Variants in ERP44 observed in about 807,000 individuals in gnomAD.
ERP44 encodes the protein endoplasmic reticulum protein 44.
ERP44 carries 25 observed loss-of-function variants against 53.4 expected under a neutral mutation model. That is an observed-to-expected ratio of 0.47 (90% confidence interval 0.34 to 0.65). The LOEUF (loss-of-function observed/expected upper bound fraction) is 0.65, where lower values mean the gene tolerates loss of function less well. ERP44 is among the 30% of genes least tolerant of loss of function. The pLI, the probability that ERP44 is intolerant of heterozygous loss-of-function variation, is 0.01. For synonymous variants in ERP44, 145 were observed against 161.2 expected (o/e 0.90, Z 0.76); for missense variants, 338 against 493.2 (o/e 0.69, Z 2.98).
chr9:99,999,957 C>T (rs1234311223), intron 10 of ERP44, among the ~76,000 whole-genome samples: 3 of 152,160 alleles, frequency 2.0e-5, no homozygotes, highest in Non-Finnish European at 2.9e-5. Context: ...TTTTCTCTCT[C>T]TTTTTGGTGC....
intron 4 of ERP44, among the ~76,000 whole-genome samples, chr9:100,049,390 C>T (rs1038228094): frequency 6.6e-6 from 1 of 151,974 alleles, no homozygotes; most frequent in African/African-American, 2.4e-5. Flanking sequence ...ACAGTGAGAC[C>T]CTGTCGCAAA....
At chr9:100,011,626 C>A (rs1444969551) in intron 8 of ERP44, among the ~76,000 whole-genome samples, 1 of 152,074 alleles carries the variant, frequency 6.6e-6, no homozygotes, top group Non-Finnish European at 1.5e-5. Context: ...GAAAGACACC[C>A]AATCTGAGCA....
chr9:100,032,455 A>C (rs1342028362), intron 4 of ERP44, among the ~76,000 whole-genome samples: 2 of 152,234 alleles, frequency 1.3e-5, no homozygotes, highest in Non-Finnish European at 2.9e-5. Flanking sequence ...AAGTCAAAAA[A>C]TGACATATTT....
intron 1 of ERP44, among the ~76,000 whole-genome samples, chr9:100,072,740 T>G (rs1826319915): frequency 6.6e-6 from 1 of 152,146 alleles, no homozygotes; most frequent in Non-Finnish European, 1.5e-5. Context: ...CAGGCTGGTC[T>G]CAAACTCCTG....
At chr9:99,996,993 G>GTA (rs60268138) in intron 10 of ERP44, among the ~76,000 whole-genome samples, 68,124 of 143,500 alleles carry the variant, frequency 0.47, 16,578 homozygotes, top group East Asian at 0.85. Context: ...ATATGTGTGT[G>GTA]TATATATATA....
intron 4 of ERP44, among the ~76,000 whole-genome samples, chr9:100,035,831 C>A (rs911285518): frequency 1.9e-4 from 29 of 152,190 alleles, no homozygotes; most frequent in Admixed American, 4.6e-4. Context: ...AAATGCAAAT[C>A]AAAACCACAA....
intron 10 of ERP44, among the ~76,000 whole-genome samples, chr9:99,985,659 G>A (rs7857530): frequency 0.68 from 102,907 of 152,066 alleles, 36,053 homozygotes; most frequent in East Asian, 0.91. Flanking sequence ...ACTAGACAGT[G>A]AAACCAATTT....
At chr9:99,993,808 AT>A (rs1182614342) in intron 10 of ERP44, among the ~76,000 whole-genome samples, 2 of 152,192 alleles carry the variant, frequency 1.3e-5, no homozygotes, top group Non-Finnish European at 2.9e-5. Context: ...ACTTAAACAA[AT>A]TTACAAGAAA....
intron 4 of ERP44, among the ~76,000 whole-genome samples, chr9:100,029,716 C>A (rs1429893246): frequency 1.3e-5 from 2 of 152,208 alleles, no homozygotes; most frequent in Non-Finnish European, 2.9e-5. Flanking sequence ...CATATCTGCA[C>A]CACCGTGTTT....
chr9:100,047,829 T>C (rs987952442), intron 4 of ERP44, among the ~76,000 whole-genome samples: 8 of 152,046 alleles, frequency 5.3e-5, no homozygotes, highest in Admixed American at 3.3e-4. Context: ...TTGCAAATCA[T>C]ATATATGAGG....
chr9:100,015,675 G>C (rs1587963187), intron 8 of ERP44, among the ~76,000 whole-genome samples: 2 of 152,300 alleles, frequency 1.3e-5, no homozygotes, highest in Middle Eastern at 6.8e-3. Context: ...GCAAAGCATT[G>C]CTCCTAAAGC....
rs1184949450 is a variant in ERP44, at chr9:100,052,522, T to C, written c.181A>G (p.Ser61Gly). ...TCAAAAATTGGATGCAACATCTGAC[T>C]GAAACGACACCTATACACAGAGAAG... Reference protein sequence around the residue: ...VNFYADWCRFSQMLHPIFEEA... With the variant: ...VNFYADWCRFGQMLHPIFEEA... The change falls in exon 4 of 12, where the codon AGT becomes GGT. Residue 61 changes from serine to glycine, a missense_variant. Coordinates refer to ENST00000262455, the MANE Select transcript of ERP44 (RefSeq NM_015051.3). 6.2e-7 allele frequency: 1 copy of C among 1,601,066 alleles called. No homozygotes were observed. Among genetic ancestry groups the C allele is most frequent in the Non-Finnish European group, 8.6e-7 (1 of 1,169,246 alleles).
At chr9:100,037,781 C>T (rs574107362) in intron 4 of ERP44, among the ~76,000 whole-genome samples, 5 of 152,188 alleles carry the variant, frequency 3.3e-5, no homozygotes, top group East Asian at 1.9e-4. Context: ...AGGACCCACT[C>T]GACAGGATTC....
intron 10 of ERP44, among the ~76,000 whole-genome samples, chr9:99,999,268 C>G (rs1397005384): frequency 6.7e-6 from 1 of 149,912 alleles, no homozygotes; most frequent in Non-Finnish European, 1.5e-5. Context: ...TGAGAACTGT[C>G]TATTCATGTC....
chr9:100,083,833 C>G (rs902302831), intron 1 of ERP44, among the ~76,000 whole-genome samples: 1 of 152,174 alleles, frequency 6.6e-6, no homozygotes, highest in African/African-American at 2.4e-5. Flanking sequence ...ATTAAAATGA[C>G]TGGCTATCAA....
intron 1 of ERP44, among the ~76,000 whole-genome samples, chr9:100,072,586 G>A (rs949114351): frequency 2.6e-5 from 4 of 152,106 alleles, no homozygotes; most frequent in African/African-American, 7.2e-5. Flanking sequence ...GCAATGGAGC[G>A]ATCTTGGCTC....
intron 1 of ERP44, among the ~76,000 whole-genome samples, chr9:100,098,471 C>G (rs908069615): frequency 6.6e-6 from 1 of 152,236 alleles, no homozygotes; most frequent in Admixed American, 6.5e-5. Context: ...CCGATTCAAG[C>G]TACCACCAGG....
At chr9:100,002,295 TACC>T (rs1217875097) in intron 10 of ERP44, among the ~76,000 whole-genome samples, 2 of 152,224 alleles carry the variant, frequency 1.3e-5, no homozygotes, top group East Asian at 1.9e-4. Context: ...GTGATTTATA[TACC>T]ACCATTACAG....
At position 100,018,247 on chromosome 9, in the gene ERP44, G is replaced by GGT. The variant is rs745323904; in HGVS notation, c.645+8_645+9insAC. On this transcript the variant is annotated intron_variant, in intron 7 of 11. Transcript: ENST00000262455. ...TCTTATCATACAACATTAAGAAATAGCAACTTACCCCTGGTGGTTTGTAGA... is the reference window on the plus strand; with the variant it reads ...TCTTATCATACAACATTAAGAAATAGGTCAACTTACCCCTGGTGGTTTGTAGA... 8 of 1,560,322 alleles carry GGT rather than the reference G, an allele frequency of 5.1e-6. No individual in the cohort carries two copies. The South Asian group carries it at 8.9e-5, about 17-fold the overall frequency.
Sources: allele counts gnomAD v4.1 joint callset (sites outside exome capture counted in the v4.1 genomes callset), GRCh38; gene constraint gnomAD v4.1.1; transcripts MANE v1.5; gene names NCBI Gene and HGNC (gene_info 2026-07-23, HGNC 2026-07-21).